MYOZ2: variants seen among roughly 807,000 people sequenced by gnomAD.
MYOZ2 encodes the protein myozenin 2.
In MYOZ2, 19 loss-of-function variants were observed where a neutral mutation model predicts 25.4. That is an observed-to-expected ratio of 0.75 (90% CI 0.52 to 1.10). The LOEUF (loss-of-function observed/expected upper bound fraction) is 1.10. Among genes scored for constraint, MYOZ2 ranks in the 50% least tolerant of loss-of-function variants. The pLI is 0.00. For missense variants in MYOZ2, 270 were observed against 317.9 expected (o/e 0.85, Z 1.15); for synonymous variants, 92 against 106.9 (o/e 0.86, Z 0.86).
intron 5 of MYOZ2, among the ~76,000 whole-genome samples, chr4:119,179,877 G>A (rs1002601981): frequency 3.9e-5 from 6 of 152,166 alleles, no homozygotes; most frequent in Admixed American, 2.0e-4. Flanking sequence ...CCCTTTATAG[G>A]GCACTAATCC....
chr4:119,176,671 C>A (rs754684031), intron 5 of MYOZ2, among the ~76,000 whole-genome samples: 1 of 152,112 alleles, frequency 6.6e-6, no homozygotes, highest in East Asian at 1.9e-4. Flanking sequence ...AAATATGGGA[C>A]CCTGAATCAT....
chr4:119,186,282 C>G lies in MYOZ2; in HGVS notation c.*82C>G. ...TTTTAACTACTGGCAAAGCCACTTG[C>G]ATTTTTCATTAGTAGCAACAATAGC... On this transcript the variant is annotated 3_prime_UTR_variant, in exon 6 of 6. Transcript: ENST00000307128. 9.2e-7 allele frequency: 1 copy of G among 1,090,230 alleles called. No homozygotes were observed. Among genetic ancestry groups the G allele is most frequent in the South Asian group, 1.4e-5 (1 of 73,228 alleles). 67.5% of individuals were successfully genotyped at this position (1,090,230 alleles called of 1,614,324 possible).
intron 2 of MYOZ2, among the ~76,000 whole-genome samples, chr4:119,144,991 T>C (rs1343104100): frequency 6.6e-6 from 1 of 152,202 alleles, no homozygotes; most frequent in African/African-American, 2.4e-5. Context: ...ATCATGATTT[T>C]GGTGTTGTTT....
intron 5 of MYOZ2, among the ~76,000 whole-genome samples, chr4:119,182,410 T>C (rs1742201020): frequency 6.6e-6 from 1 of 151,992 alleles, no homozygotes; most frequent in African/African-American, 2.4e-5. Context: ...AAGGACAGAG[T>C]AGTTATCAGT....
chr4:119,154,575 G>A (rs11098488), intron 3 of MYOZ2, among the ~76,000 whole-genome samples: 89,674 of 151,856 alleles, frequency 0.59, 28,774 homozygotes, highest in Non-Finnish European at 0.72. Flanking sequence ...TACAATTCCT[G>A]GAAATTAATG....
intron 2 of MYOZ2, among the ~76,000 whole-genome samples, chr4:119,138,965 C>T (rs1741099460): frequency 2.0e-5 from 3 of 152,154 alleles, no homozygotes; most frequent in African/African-American, 4.8e-5. Context: ...CTCATTCCAT[C>T]AGGAGTGATA....
chr4:119,185,661 G>A (rs1309598536), intron 5 of MYOZ2, among the ~76,000 whole-genome samples: 2 of 152,146 alleles, frequency 1.3e-5, no homozygotes, highest in African/African-American at 2.4e-5. Context: ...AAGTACAAAG[G>A]CAAGACATGT....
rs1742300292 is a variant in MYOZ2 at position 119,186,626 on chromosome 4, A to G, written c.*426A>G. 1.1e-5 allele frequency: 2 copies of G among 182,612 alleles called. No homozygotes were observed. Among genetic ancestry groups the G allele is most frequent in the South Asian group, 2.3e-4 (2 of 8,566 alleles). The allele number at this position is 182,612 out of a possible 1,614,324, so 11.3% of individuals were successfully genotyped here. A position where few individuals can be genotyped will look rare whatever the true frequency, so the allele number is the denominator to read the frequency against. On this transcript the variant is annotated 3_prime_UTR_variant, in exon 6 of 6. Coordinates refer to ENST00000307128, the MANE Select transcript of MYOZ2 (RefSeq NM_016599.5). ...GGATGAAAGCTATGGAAGATGATGT[A>G]CAAATGTTATTGATGGAGAAAATGG...
intron 2 of MYOZ2, among the ~76,000 whole-genome samples, chr4:119,137,393 C>T (rs1437949357): frequency 1.3e-5 from 2 of 152,060 alleles, no homozygotes; most frequent in Non-Finnish European, 2.9e-5. Flanking sequence ...TATTCAGGTC[C>T]TCTTAGGAGC....
chr4:119,171,911 C>G (rs1741956711), intron 5 of MYOZ2, among the ~76,000 whole-genome samples: 1 of 151,776 alleles, frequency 6.6e-6, no homozygotes, highest in Non-Finnish European at 1.5e-5. Context: ...TTTCCAAAGT[C>G]CTTGCAAAGA....
chr4:119,144,202 C>T (rs1280737317), intron 2 of MYOZ2, among the ~76,000 whole-genome samples: 1 of 152,148 alleles, frequency 6.6e-6, no homozygotes, highest in East Asian at 1.9e-4. Context: ...GAATGATATA[C>T]AAATGGAATC....
chr4:119,174,857 G>T (rs1035335816), intron 5 of MYOZ2, among the ~76,000 whole-genome samples: 1 of 152,024 alleles, frequency 6.6e-6, no homozygotes, highest in Non-Finnish European at 1.5e-5. Context: ...AACAGTCACC[G>T]CAAAGATCTG....
At chr4:119,140,804 T>C (rs1338500394) in intron 2 of MYOZ2, among the ~76,000 whole-genome samples, 1 of 152,204 alleles carries the variant, frequency 6.6e-6, no homozygotes, top group Non-Finnish European at 1.5e-5. Context: ...TTTTGAATGT[T>C]TATAGATTTA....
chr4:119,148,190 T>C (rs1030783669), intron 2 of MYOZ2, among the ~76,000 whole-genome samples: 1 of 152,192 alleles, frequency 6.6e-6, no homozygotes, highest in Non-Finnish European at 1.5e-5. Flanking sequence ...TTGGCCTCCA[T>C]GGTTTCTGAT....
chr4:119,171,611 G>T (rs1283962190), intron 5 of MYOZ2, among the ~76,000 whole-genome samples: 1 of 150,970 alleles, frequency 6.6e-6, no homozygotes, highest in Non-Finnish European at 1.5e-5. Context: ...CCTATTGTAG[G>T]TTAACATGAT....
At chr4:119,166,595 A>G (rs1741830817) in intron 5 of MYOZ2, among the ~76,000 whole-genome samples, 1 of 152,136 alleles carries the variant, frequency 6.6e-6, no homozygotes, top group Admixed American at 6.5e-5. Flanking sequence ...TCCACTTAAA[A>G]AACAACTAAA....
At chr4:119,155,030 C>T (rs950304080) in intron 3 of MYOZ2, among the ~76,000 whole-genome samples, 2 of 152,078 alleles carry the variant, frequency 1.3e-5, no homozygotes, top group South Asian at 2.1e-4. Flanking sequence ...CTGGTAAGGG[C>T]CCCTGGAAAC....
chr4:119,141,439 GT>G (rs1266411312), intron 2 of MYOZ2, among the ~76,000 whole-genome samples: 4 of 152,216 alleles, frequency 2.6e-5, no homozygotes, highest in African/African-American at 9.6e-5. Flanking sequence ...CTGGAGTGCA[GT>G]GGTGCAATCT....
chr4:119,149,163 A>T (rs1741387429), intron 2 of MYOZ2, among the ~76,000 whole-genome samples: 1 of 151,992 alleles, frequency 6.6e-6, no homozygotes, highest in Non-Finnish European at 1.5e-5. Context: ...CTGAAACTTG[A>T]GGGGAGCCTC....
Sources: gnomAD v4.1 joint callset for allele counts (sites outside exome capture counted in the v4.1 genomes callset) on GRCh38, gnomAD v4.1.1 for gene constraint, MANE v1.5 for transcripts, NCBI Gene and HGNC (gene_info 2026-07-23, HGNC 2026-07-21) for gene names.